Variants in ITPA observed in about 807,000 individuals in gnomAD.
ITPA encodes the protein inosine triphosphatase.
ITPA carries 29 observed loss-of-function variants against 29.6 expected under a neutral mutation model. The ratio of observed to expected loss-of-function variants is 0.98; its 90% CI spans 0.73 to 1.34. The LOEUF (loss-of-function observed/expected upper bound fraction) is 1.34, where lower values mean the gene tolerates loss of function less well. Among genes scored for constraint, ITPA ranks in the 40% most tolerant of loss-of-function variants. The pLI, the probability that ITPA is intolerant of heterozygous loss-of-function variation, is 0.00. For synonymous variants in ITPA, 103 were observed against 99.3 expected, an observed-to-expected ratio of 1.04 and a Z score of -0.22; for missense variants, 241 against 251.5, an observed-to-expected ratio of 0.96 and a Z score of 0.28.
At chr20:3,215,183 T>A (rs2067265419) in intron 4 of ITPA, 98 bp from the exon 5 acceptor site, 1 of 1,299,838 alleles carries the variant, frequency 7.7e-7, no homozygotes, top group Admixed American at 1.7e-5. Context: ...GGCATTCTTT[T>A]TCATTTCCCC....
upstream of ITPA, chr20:3,204,620 G>T: frequency 6.3e-7 from 1 of 1,586,588 alleles, no homozygotes. Context: ...CCACACAGGC[G>T]CCACCATGAC....
At chr20:3,221,779 T>A in intron 6 of ITPA, 62 bp from the exon 7 acceptor site, 5 of 1,479,434 alleles carry the variant, frequency 3.4e-6, no homozygotes, top group Non-Finnish European at 4.7e-6. Flanking sequence ...TACTGGCCAC[T>A]GCCCTCCTCG....
chr20:3,213,112 G>A (rs1037433512), intron 1 of ITPA, 57 bp from the exon 2 acceptor site: 8 of 1,517,838 alleles, frequency 5.3e-6, no homozygotes, highest in South Asian at 3.4e-5. Flanking sequence ...GACAGCTCAC[G>A]TGCTCACATG....
chr20:3,214,360 TTTC>T (rs2067243875), intron 4 of ITPA, among the ~76,000 whole-genome samples: 4 of 110,542 alleles, frequency 3.6e-5, no homozygotes, highest in Admixed American at 1.2e-4. Flanking sequence ...TCTTTCTTCC[TTTC>T]TTTTTTTTTT....
At chr20:3,213,048 G>C in intron 1 of ITPA, 121 bp from the exon 2 acceptor site, 1 of 1,068,858 alleles carries the variant, frequency 9.4e-7, no homozygotes, top group Non-Finnish European at 1.5e-6. Flanking sequence ...CCACAGGCCT[G>C]AGTTGGTAAG....
chr20:3,210,047 C>A (rs909803214), intron 1 of ITPA, among the ~76,000 whole-genome samples: 1 of 152,206 alleles, frequency 6.6e-6, no homozygotes, highest in Non-Finnish European at 1.5e-5. Context: ...ACTGAGCAGT[C>A]CGTGCCTCAC....
At chr20:3,225,152 G>A (rs1456227552), downstream of ITPA, among the ~76,000 whole-genome samples, 1 of 152,158 alleles carries the variant, frequency 6.6e-6, no homozygotes, top group Non-Finnish European at 1.5e-5. Context: ...GCAGTGAGCC[G>A]TGATTGCGCC....
At chr20:3,225,857 C>T (rs569792170), downstream of ITPA, among the ~76,000 whole-genome samples, 28 of 152,156 alleles carry the variant, frequency 1.8e-4, no homozygotes, top group South Asian at 4.8e-3. Context: ...GGTGAAACCC[C>T]GTCTCTACTA....
intron 4 of ITPA, chr20:3,215,068 C>T (rs2067261716): frequency 1.7e-5 from 10 of 571,826 alleles, no homozygotes; most frequent in East Asian, 9.1e-5. Context: ...GATTTTGCTA[C>T]GTTGTCCAAG....
intron 5 of ITPA, 77 bp from the exon 6 acceptor site, chr20:3,218,440 C>T: frequency 9.5e-7 from 1 of 1,053,234 alleles, no homozygotes. Context: ...TCCCTCCCCA[C>T]CCTTAGTGGG....
chr20:3,218,004 G>A (rs2067352695), intron 5 of ITPA, among the ~76,000 whole-genome samples: 1 of 151,062 alleles, frequency 6.6e-6, no homozygotes, highest in African/African-American at 2.4e-5. Flanking sequence ...TGCAAGCTCC[G>A]CCTCCCTTGT....
At chr20:3,211,164 G>A (rs2122293420) in intron 1 of ITPA, among the ~76,000 whole-genome samples, 1 of 124,280 alleles carries the variant, frequency 8.0e-6, no homozygotes, top group South Asian at 3.5e-4. Flanking sequence ...AGAACAGGTA[G>A]TCTTTTTTTT....
At chr20:3,204,328 T>C (rs1424648555), upstream of ITPA, among the ~76,000 whole-genome samples, 1 of 151,928 alleles carries the variant, frequency 6.6e-6, no homozygotes, top group Non-Finnish European at 1.5e-5. Context: ...GACTCTGGCT[T>C]GGAGTCGAGA....
intron 6 of ITPA, chr20:3,218,974 A>G (rs2067387708): frequency 2.9e-6 from 1 of 344,536 alleles, no homozygotes; most frequent in Non-Finnish European, 5.5e-6. Flanking sequence ...GGCCTGATAG[A>G]CCCAGAAGTG....
At chr20:3,211,007 C>T (rs541328811) in intron 1 of ITPA, among the ~76,000 whole-genome samples, 27 of 150,132 alleles carry the variant, frequency 1.8e-4, no homozygotes, top group African/African-American at 6.1e-4. Context: ...GCTGAGATGA[C>T]GCCACTGTAC....
At chr20:3,217,230 T>C (rs780578555) in intron 5 of ITPA, among the ~76,000 whole-genome samples, 8 of 152,184 alleles carry the variant, frequency 5.3e-5, no homozygotes, top group Non-Finnish European at 1.0e-4. Flanking sequence ...CAAACCTGCA[T>C]AGTAGAATAT....
At chr20:3,211,774 G>A (rs1252359668) in intron 1 of ITPA, among the ~76,000 whole-genome samples, 2 of 152,214 alleles carry the variant, frequency 1.3e-5, no homozygotes, top group Non-Finnish European at 2.9e-5. Flanking sequence ...TTACATGCGT[G>A]AGCCACCGTG....
At chr20:3,224,248 C>G (rs2067534701), downstream of ITPA, among the ~76,000 whole-genome samples, 1 of 152,238 alleles carries the variant, frequency 6.6e-6, no homozygotes, top group African/African-American at 2.4e-5. Context: ...CTCGACCCCA[C>G]TCGGCGTGAT....
Position 3,213,979 on chromosome 20 carries a change from C to T in ITPA, c.190-6C>T. 1 of 1,614,144 alleles carries T rather than the reference C, an allele frequency of 6.2e-7. No individual in the cohort carries two copies. Among genetic ancestry groups the T allele is most frequent in the South Asian group, 1.1e-5 (1 of 91,084 alleles). ...GGTCTCAGGGCTGTATGTCTTTGTGCTGCAGGTACAGGGGCCCGTGCTGGT... is the reference window on the plus strand; with the variant it reads ...GGTCTCAGGGCTGTATGTCTTTGTGTTGCAGGTACAGGGGCCCGTGCTGGT... On this transcript the variant is annotated splice_polypyrimidine_tract_variant and splice_region_variant and intron_variant, in intron 3 of 7. Coordinates refer to ENST00000380113, the MANE Select transcript of ITPA (RefSeq NM_033453.4).
Sources: gnomAD v4.1 joint callset for allele counts (sites outside exome capture counted in the v4.1 genomes callset) on GRCh38, gnomAD v4.1.1 for gene constraint, MANE v1.5 for transcripts, NCBI Gene and HGNC (gene_info 2026-07-23, HGNC 2026-07-21) for gene names.